The following ADGRA3 variants were observed in gnomAD, a reference collection of about 807,000 sequenced individuals.
The protein encoded by ADGRA3 is adhesion G protein-coupled receptor A3, also known as G-protein coupled receptor 125.
A neutral mutation model predicts 119.8 loss-of-function variants in ADGRA3; 56 were observed. That is an observed-to-expected ratio of 0.47 (90% CI 0.38 to 0.58). The LOEUF (loss-of-function observed/expected upper bound fraction) is 0.58, where lower values mean the gene tolerates loss of function less well. Among genes scored for constraint, ADGRA3 ranks in the 20% least tolerant of loss-of-function variants. ADGRA3 has a pLI of 0.00. For synonymous variants in ADGRA3, 607 were observed against 623.8 expected (o/e 0.97, Z 0.40); for missense variants, 1,516 against 1,649.0 (o/e 0.92, Z 1.40).
chr4:22,475,071 T>C (rs978458295), intron 1 of ADGRA3, among the ~76,000 whole-genome samples: 3 of 152,198 alleles, frequency 2.0e-5, no homozygotes, highest in African/African-American at 7.2e-5. Context: ...TCCCTGCAGA[T>C]TAACATATCA....
Position 22,442,840 on chromosome 4 carries a change from A to G in ADGRA3, c.730T>C (p.Phe244Leu). Reference sequence around the variant, plus strand: ...TGGCGATGAGATGGAGTCATGTAGAAAGACGGCAATTCAAGCGGAGGGTCT... The same window carrying G: ...TGGCGATGAGATGGAGTCATGTAGAGAGACGGCAATTCAAGCGGAGGGTCT... Reference protein sequence around the residue: ...TCDPPLELPSFYMTPSHRQVV... With the variant: ...TCDPPLELPSLYMTPSHRQVV... Residue 244 changes from phenylalanine to leucine, a missense_variant, in exon 7 of 19, where the codon TTC (phenylalanine) becomes CTC (leucine). By Grantham distance (22) the Phe-to-Leu change is conservative. Coordinates refer to ENST00000334304, the MANE Select transcript of ADGRA3 (RefSeq NM_145290.4). The G allele has an allele frequency of 6.2e-7, 1 of 1,613,084 alleles. No individual in the cohort carries two copies. The highest frequency in any genetic ancestry group is 1.1e-5 in the South Asian group (1 of 91,044).
intron 1 of ADGRA3, among the ~76,000 whole-genome samples, chr4:22,481,505 T>C (rs1718260293): frequency 6.6e-6 from 1 of 152,226 alleles, no homozygotes; most frequent in African/African-American, 2.4e-5. Context: ...CACATGAAAC[T>C]TGTATGAAAT....
intron 12 of ADGRA3, chr4:22,420,494 GC>G (rs1715612708): frequency 4.3e-6 from 1 of 231,486 alleles, no homozygotes; most frequent in African/African-American, 2.3e-5. Context: ...CAGGCGCAGT[GC>G]CAAAGGCTCA....
At chr4:22,514,217 TA>T (rs533476366) in intron 1 of ADGRA3, among the ~76,000 whole-genome samples, 2 of 151,398 alleles carry the variant, frequency 1.3e-5, no homozygotes, top group South Asian at 4.1e-4. Context: ...GGACTGTAAT[TA>T]AAGTCCCATA....
At chr4:22,440,591 CT>C (rs139789425) in intron 7 of ADGRA3, among the ~76,000 whole-genome samples, 11,939 of 152,122 alleles carry the variant, frequency 0.078, 547 homozygotes, top group South Asian at 0.1. Context: ...TTAGAATTAA[CT>C]TTTTTTGCAT....
Position 22,473,804 on chromosome 4 carries a change from G to A in ADGRA3, c.297C>T (p.Gly99=). ...CAAGGAGACTTAACCCAGAAAATGA[G>A]CCATTCTTCAGCTCGGATATCTTAT... The part of the protein sequence containing the change: ...SNNKISELKN[G]SFSGLSLLER... The change falls in exon 2 of 19, where the codon GGC becomes GGT. Residue 99 remains glycine, a synonymous_variant. Coordinates refer to ENST00000334304, the MANE Select transcript of ADGRA3 (RefSeq NM_145290.4). The A allele has an allele frequency of 6.2e-7, 1 of 1,605,724 alleles. No individual in the cohort carries two copies. The highest frequency in any genetic ancestry group is 1.1e-5 in the South Asian group (1 of 89,598).
intron 14 of ADGRA3, 50 bp downstream of exon 14, chr4:22,413,132 T>C (rs369954722): frequency 3.7e-5 from 49 of 1,338,656 alleles, no homozygotes; most frequent in Non-Finnish European, 5.0e-5. Flanking sequence ...TAATTATGCA[T>C]AGCAAAAATG....
intron 12 of ADGRA3, among the ~76,000 whole-genome samples, chr4:22,418,634 C>G (rs1223816804): frequency 6.6e-6 from 1 of 152,174 alleles, no homozygotes; most frequent in Non-Finnish European, 1.5e-5. Flanking sequence ...AGCTACTGAA[C>G]AGTCTCTGGA....
At chr4:22,511,439 T>C (rs890640047) in intron 1 of ADGRA3, among the ~76,000 whole-genome samples, 7 of 152,202 alleles carry the variant, frequency 4.6e-5, no homozygotes, top group African/African-American at 1.7e-4. Flanking sequence ...TCTTTAAGCA[T>C]AGCTACAGAA....
At chr4:22,509,667 T>C (rs962782369) in intron 1 of ADGRA3, among the ~76,000 whole-genome samples, 3 of 151,966 alleles carry the variant, frequency 2.0e-5, no homozygotes, top group Non-Finnish European at 2.9e-5. Context: ...ATCCCCCATA[T>C]GGCCCATGCT....
chr4:22,480,481 G>A (rs73802827), intron 1 of ADGRA3, among the ~76,000 whole-genome samples: 1,985 of 152,108 alleles, frequency 0.013, 42 homozygotes, highest in African/African-American at 0.044. Context: ...CAATATCAGC[G>A]TGGGTGATAT....
chr4:22,506,050 A>G (rs771842408), intron 1 of ADGRA3, among the ~76,000 whole-genome samples: 1 of 152,216 alleles, frequency 6.6e-6, no homozygotes, highest in Non-Finnish European at 1.5e-5. Context: ...GTCTTTGGCC[A>G]GCCCATACTG....
intron 10 of ADGRA3, among the ~76,000 whole-genome samples, chr4:22,430,932 G>C (rs544346148): frequency 4.6e-5 from 7 of 152,172 alleles, no homozygotes; most frequent in Non-Finnish European, 1.5e-5. Context: ...GTACAGCTTG[G>C]GCTGCTGCTT....
intron 12 of ADGRA3, chr4:22,414,362 GA>G (rs918278998): frequency 1.0e-3 from 368 of 360,912 alleles, no homozygotes; most frequent in Middle Eastern, 1.5e-3. Flanking sequence ...AACACATTTA[GA>G]AAAAAAAAAT....
chr4:22,460,050 G>A (rs1183735640), intron 3 of ADGRA3, among the ~76,000 whole-genome samples: 4 of 152,104 alleles, frequency 2.6e-5, no homozygotes, highest in Non-Finnish European at 5.9e-5. Flanking sequence ...ATACATTCTT[G>A]CACACCTGCG....
At chr4:22,482,039 T>C (rs1718274582) in intron 1 of ADGRA3, among the ~76,000 whole-genome samples, 1 of 152,216 alleles carries the variant, frequency 6.6e-6, no homozygotes, top group South Asian at 2.1e-4. Flanking sequence ...GGTTCATCAA[T>C]GTCTCTTCCT....
chr4:22,401,418 C>T lies in ADGRA3; in HGVS notation c.2481+13G>A, dbSNP rs754040199. On this transcript the variant is annotated intron_variant, in intron 16 of 18. Coordinates refer to ENST00000334304, the MANE Select transcript of ADGRA3 (RefSeq NM_145290.4). The stretch of plus-strand genomic sequence containing the variant: ...AGTAATTTTTTCCATTTCGGTTTTT[C>T]ACTCTGACTTACTGCTTGGCAGATG... 1.8e-5 allele frequency: 29 copies of T among 1,572,988 alleles called. No individual in the cohort carries two copies. The Admixed American group carries it at 4.5e-4, about 25-fold the overall frequency.
At chr4:22,494,004 A>G (rs1362490967) in intron 1 of ADGRA3, among the ~76,000 whole-genome samples, 1 of 151,954 alleles carries the variant, frequency 6.6e-6, no homozygotes, top group Non-Finnish European at 1.5e-5. Flanking sequence ...GGGGTTCGAG[A>G]CCAGCCTGAC....
chr4:22,439,277 T>C (rs1716517419), intron 7 of ADGRA3, among the ~76,000 whole-genome samples: 1 of 152,234 alleles, frequency 6.6e-6, no homozygotes, highest in African/African-American at 2.4e-5. Flanking sequence ...GTTTCTGTGT[T>C]AAGGTATATT....
Sources: allele counts gnomAD v4.1 joint callset (sites outside exome capture counted in the v4.1 genomes callset), GRCh38; gene constraint gnomAD v4.1.1; transcripts MANE v1.5; gene names NCBI Gene and HGNC (gene_info 2026-07-23, HGNC 2026-07-21).